PJA2: variants seen among roughly 807,000 people sequenced by gnomAD.
PJA2 encodes praja ring finger ubiquitin ligase 2.
In PJA2, 25 loss-of-function variants were observed where a neutral mutation model predicts 69.3. The ratio of observed to expected loss-of-function variants is 0.36; its 90% CI spans 0.26 to 0.50. The LOEUF is 0.50. Ranked by LOEUF, PJA2 falls within the 20% of genes least tolerant of loss-of-function variation. The pLI, the probability that PJA2 is intolerant of heterozygous loss-of-function variation, is 0.96. For synonymous variants in PJA2, 308 were observed against 277.8 expected (o/e 1.11, Z -1.08); for missense variants, 809 against 830.2 (o/e 0.97, Z 0.31).
intron 4 of PJA2, among the ~76,000 whole-genome samples, chr5:109,369,537 A>G (rs1762640142): frequency 6.6e-6 from 1 of 152,250 alleles, no homozygotes; most frequent in Admixed American, 6.5e-5. Context: ...TAACATGACT[A>G]AAACAACTTT....
chr5:109,376,359 A>G (rs1192397096), intron 4 of PJA2, among the ~76,000 whole-genome samples: 1 of 151,904 alleles, frequency 6.6e-6, no homozygotes, highest in African/African-American at 2.4e-5. Flanking sequence ...AAAATACCTT[A>G]TAACTATGAA....
chr5:109,363,655 T>C (rs1399570055), intron 5 of PJA2, among the ~76,000 whole-genome samples: 3 of 152,222 alleles, frequency 2.0e-5, no homozygotes, highest in Non-Finnish European at 4.4e-5. Flanking sequence ...TCAGTTTAAA[T>C]AGCTCTCCAG....
intron 9 of PJA2, among the ~76,000 whole-genome samples, chr5:109,342,421 A>G (rs1582580799): frequency 9.0e-6 from 1 of 111,244 alleles, no homozygotes; most frequent in Non-Finnish European, 1.8e-5. Context: ...TCCGGGAGGG[A>G]GGTGGGGATG....
chr5:109,406,145 G>C (rs1029554933), intron 1 of PJA2, among the ~76,000 whole-genome samples: 1 of 148,836 alleles, frequency 6.7e-6, no homozygotes, highest in East Asian at 2.0e-4. Flanking sequence ...CCGGGTTCAC[G>C]CCATTATCCT....
chr5:109,339,564 G>A (rs1214289357), intron 9 of PJA2, among the ~76,000 whole-genome samples: 2 of 152,206 alleles, frequency 1.3e-5, no homozygotes, highest in Non-Finnish European at 2.9e-5. Context: ...AATGAAATGA[G>A]GGAATGGACC....
rs1746977088 is a variant in PJA2 at position 109,379,127 on chromosome 5, A to C, written c.360T>G (p.Val120=). The C allele has an allele frequency of 6.2e-7, 1 of 1,614,036 alleles. No individual in the cohort carries two copies. Among genetic ancestry groups the C allele is most frequent in the Non-Finnish European group, 8.5e-7 (1 of 1,180,030 alleles). The part of the protein sequence containing the change: ...NQTTESSQSF[V]AVHHSEEGRD... ...TGCCTTCCTCACTGTGATGTACTGC[A>C]ACAAAGGATTGACTGCTCTCAGTGG... The change falls in exon 4 of 10, where the codon GTT becomes GTG. Residue 120 remains valine (V), a synonymous_variant. Coordinates refer to ENST00000361189, the MANE Select transcript of PJA2 (RefSeq NM_014819.5).
intron 4 of PJA2, among the ~76,000 whole-genome samples, chr5:109,376,697 T>A (rs1203002853): frequency 6.6e-6 from 1 of 152,160 alleles, no homozygotes; most frequent in Non-Finnish European, 1.5e-5. Context: ...GTAAGTTTTG[T>A]CTTTTTTTAA....
Position 109,353,422 on chromosome 5 carries a change from TATATTAG to T in PJA2, c.1764+2486_1764+2492del, listed in dbSNP as rs1283387739. 6.0e-4 allele frequency among the ~76,000 whole-genome samples: 31 copies of T among 51,780 alleles called. 1 individual carries two copies. Among genetic ancestry groups the T allele is most frequent in the African/African-American group, 1.5e-3 (31 of 20,244 alleles). The allele number at this position is 51,780 out of a possible 152,430, so 34.0% of individuals were successfully genotyped here. A position where few individuals can be genotyped will look rare whatever the true frequency, so the allele number is the denominator to read the frequency against. On this transcript the variant is annotated intron_variant, in intron 7 of 9. Transcript: ENST00000361189. ...AGATACCTATATCTATAGACATCTA[TATATTAG>T]ATACCTATATATAGATATCTATATA...
chr5:109,367,298 T>C (rs1222895157), intron 5 of PJA2, among the ~76,000 whole-genome samples: 1 of 151,454 alleles, frequency 6.6e-6, no homozygotes, highest in African/African-American at 2.4e-5. Flanking sequence ...ATTTTATTCC[T>C]AGATTTTCTT....
Position 109,355,906 on chromosome 5 carries a change from T to C in PJA2, c.1764+9A>G, listed in dbSNP as rs754321408. The C allele has an allele frequency of 1.3e-6, 2 of 1,589,374 alleles. No homozygotes were observed. The highest frequency in any genetic ancestry group is 8.6e-7 in the Non-Finnish European group (1 of 1,159,646). On this transcript the variant is annotated intron_variant, in intron 7 of 9. Coordinates refer to ENST00000361189, the MANE Select transcript of PJA2 (RefSeq NM_014819.5). ...AACTTATATATGGAGATCAGAGTTA[T>C]GAACATACCTCCATAGCCTGGGCTA...
At position 109,361,860 on chromosome 5, in the gene PJA2, A is replaced by G. The variant is rs576572510; in HGVS notation, c.1652+980T>C. On this transcript the variant is annotated intron_variant, in intron 6 of 9. Coordinates refer to ENST00000361189, the MANE Select transcript of PJA2 (RefSeq NM_014819.5). ...GGAGTAAGAATAGGAAAAGGCAAGG[A>G]AGATCTCAAGAAGATGTTCAGTTTC... 1.1e-4 allele frequency among the ~76,000 whole-genome samples: 17 copies of G among 152,344 alleles called. No individual in the cohort carries two copies. In the South Asian group the frequency reaches 3.3e-3, roughly 30 times the overall value.
chr5:109,358,018 G>T (rs1248187891), intron 6 of PJA2, among the ~76,000 whole-genome samples: 1 of 152,176 alleles, frequency 6.6e-6, no homozygotes, highest in East Asian at 1.9e-4. Context: ...ACTGTTTCAG[G>T]CTGGGTGTGG....
At chr5:109,342,201 G>T (rs1582580468) in intron 9 of PJA2, among the ~76,000 whole-genome samples, 1 of 81,686 alleles carries the variant, frequency 1.2e-5, no homozygotes, top group Non-Finnish European at 2.6e-5. Flanking sequence ...GGAGGTGGGG[G>T]GGGGTCAGCC....
chr5:109,403,666 T>C (rs1201151116), intron 1 of PJA2, among the ~76,000 whole-genome samples: 6 of 151,380 alleles, frequency 4.0e-5, no homozygotes, highest in Middle Eastern at 3.2e-3. Context: ...CGCAAATAAG[T>C]TAACGTAATT....
At chr5:109,395,218 A>C (rs1366698559) in intron 1 of PJA2, among the ~76,000 whole-genome samples, 1 of 152,230 alleles carries the variant, frequency 6.6e-6, no homozygotes, top group Non-Finnish European at 1.5e-5. Context: ...AGAATTAACA[A>C]AATAAAAATA....
At chr5:109,386,264 A>G (rs560117177) in intron 1 of PJA2, among the ~76,000 whole-genome samples, 1 of 152,230 alleles carries the variant, frequency 6.6e-6, no homozygotes, top group African/African-American at 2.4e-5. Flanking sequence ...AAGTGAAGAA[A>G]GTGTTTTAGG....
At chr5:109,396,222 G>A (rs1747405154) in intron 1 of PJA2, among the ~76,000 whole-genome samples, 1 of 151,882 alleles carries the variant, frequency 6.6e-6, no homozygotes, top group African/African-American at 2.4e-5. Context: ...TTCAGTGGAT[G>A]GAGAAAAAGC....
chr5:109,384,849 G>A (rs1380357253), intron 1 of PJA2, among the ~76,000 whole-genome samples: 1 of 151,640 alleles, frequency 6.6e-6, no homozygotes, highest in East Asian at 1.9e-4. Flanking sequence ...GGCGAGTCTT[G>A]CTCTGTCGCC....
chr5:109,342,084 G>A (rs1358825658), intron 9 of PJA2, among the ~76,000 whole-genome samples: 20 of 127,544 alleles, frequency 1.6e-4, no homozygotes, highest in Admixed American at 7.5e-4. Context: ...CAGCCGCCCC[G>A]TCCGGGAGGG....
Sources: gnomAD v4.1 joint callset for allele counts (sites outside exome capture counted in the v4.1 genomes callset) on GRCh38, gnomAD v4.1.1 for gene constraint, MANE v1.5 for transcripts, NCBI Gene and HGNC (gene_info 2026-07-23, HGNC 2026-07-21) for gene names.